The following IFFO2 variants were observed in gnomAD, a reference collection of about 807,000 sequenced individuals.
IFFO2 encodes intermediate filament family orphan 2.
Under a neutral mutation model 53.5 loss-of-function variants are expected in IFFO2, and 19 were observed. The observed-to-expected ratio is 0.36, with a 90% CI of 0.25 to 0.52. The LOEUF (loss-of-function observed/expected upper bound fraction) is 0.52, where lower values mean the gene tolerates loss of function less well. Among genes scored for constraint, IFFO2 ranks in the 20% least tolerant of loss-of-function variants. IFFO2 has a pLI of 0.94. For synonymous variants in IFFO2, 303 were observed against 313.6 expected (o/e 0.97, Z 0.36); for missense variants, 570 against 727.4 (o/e 0.78, Z 2.49).
At position 18,914,930 on chromosome 1, in the gene IFFO2, T is replaced by G. The variant is rs1013716137; in HGVS notation, c.1103+1973A>C. Among the ~76,000 whole-genome samples the G allele has an allele frequency of 2.6e-4, 39 of 151,898 alleles. 1 individual carries two copies. Among genetic ancestry groups the G allele is most frequent in the African/African-American group, 9.2e-4 (38 of 41,334 alleles). On this transcript the variant is annotated intron_variant, in intron 5 of 8. Coordinates refer to ENST00000455833, the MANE Select transcript of IFFO2 (RefSeq NM_001136265.2). ...AATCTAGGGGTCTCCTTATCACCCT[T>G]AAATAGCAAACCCCCAAAATACAGC...
At chr1:18,941,838 G>A (rs1432283955) in intron 1 of IFFO2, among the ~76,000 whole-genome samples, 1 of 152,202 alleles carries the variant, frequency 6.6e-6, no homozygotes, top group Non-Finnish European at 1.5e-5. Flanking sequence ...TCCCCAGGGA[G>A]GCGGGGACAG....
chr1:18,951,421 G>C (rs1936658284), intron 1 of IFFO2, among the ~76,000 whole-genome samples: 1 of 152,154 alleles, frequency 6.6e-6, no homozygotes, highest in Non-Finnish European at 1.5e-5. Flanking sequence ...GACTTCAACT[G>C]GGGGGCGCAT....
chr1:18,945,457 T>G (rs1936574389), intron 1 of IFFO2, among the ~76,000 whole-genome samples: 1 of 152,010 alleles, frequency 6.6e-6, no homozygotes, highest in Non-Finnish European at 1.5e-5. Flanking sequence ...CAGTAGCTCT[T>G]CCCCTCCCCC....
In IFFO2 at chr1:18,949,114, C is replaced by T. The variant is rs972394202; in HGVS notation, c.665+6554G>A. On this transcript the variant is annotated intron_variant, in intron 1 of 8. Coordinates refer to ENST00000455833, the MANE Select transcript of IFFO2 (RefSeq NM_001136265.2). Reference sequence around the variant, plus strand: ...GATTCCAAGTGCAGGCCCTCCCCTCCACAAACAGCCGAATCCCTGGACGTG... The same window carrying T: ...GATTCCAAGTGCAGGCCCTCCCCTCTACAAACAGCCGAATCCCTGGACGTG... Among the ~76,000 whole-genome samples the T allele has an allele frequency of 2.6e-5, 4 of 152,360 alleles. No individual in the cohort carries two copies. In the East Asian group the frequency reaches 7.7e-4, roughly 29 times the overall value.
At chr1:18,923,749 G>A (rs2148170935) in intron 1 of IFFO2, among the ~76,000 whole-genome samples, 1 of 152,228 alleles carries the variant, frequency 6.6e-6, no homozygotes, top group African/African-American at 2.4e-5. Context: ...CAATCACCTG[G>A]GCATCTTATT....
In IFFO2 at chr1:18,918,798, C is replaced by T. The variant is rs1197316400; in HGVS notation, c.823-296G>A. ...AGGGTCCGTGTTCACTTTGTTAGAGCGAAGAAAAAAGACAACTCCCGCTGG... is the reference window on the plus strand; with the variant it reads ...AGGGTCCGTGTTCACTTTGTTAGAGTGAAGAAAAAAGACAACTCCCGCTGG... On this transcript the variant is annotated intron_variant, in intron 3 of 8. Transcript: ENST00000455833. This position sits in a 1 kb window ranked among gnomAD's most constrained non-coding sequence, Gnocchi z 5.2. 1.3e-5 allele frequency among the ~76,000 whole-genome samples: 2 copies of T among 152,006 alleles called. No individual in the cohort carries two copies. Among genetic ancestry groups the T allele is most frequent in the African/African-American group, 2.4e-5 (1 of 41,374 alleles).
chr1:18,942,552 G>A (rs1936534027), intron 1 of IFFO2, among the ~76,000 whole-genome samples: 1 of 152,174 alleles, frequency 6.6e-6, no homozygotes, highest in Admixed American at 6.5e-5. Context: ...GAGGCTCAGA[G>A]CAGTAACACA....
At chr1:18,932,978 A>G (rs1215081097) in intron 1 of IFFO2, among the ~76,000 whole-genome samples, 1 of 152,222 alleles carries the variant, frequency 6.6e-6, no homozygotes, top group Non-Finnish European at 1.5e-5. Context: ...AGCCCAGAAT[A>G]TCTCCCACAG....
Position 18,911,408 on chromosome 1 carries a change from G to A in IFFO2, c.1293C>T (p.Tyr431=). The A allele has an allele frequency of 6.6e-7, 1 of 1,521,122 alleles. No homozygotes were observed. The highest frequency in any genetic ancestry group is 2.6e-5 in the East Asian group (1 of 38,506). 94.2% of individuals were successfully genotyped at this position (1,521,122 alleles called of 1,614,324 possible). A position where few individuals can be genotyped will look rare whatever the true frequency, so the allele number is the denominator to read the frequency against. Residue 431 remains tyrosine, a synonymous_variant, in exon 7 of 9, where the codon TAC becomes TAT. Transcript: ENST00000455833. Reference sequence around the variant, plus strand: ...CCTCGATCTGACCTATCGTTTCCTGGTACTCCTTGTCTCTCGTCTTGAAGA... The same window carrying A: ...CCTCGATCTGACCTATCGTTTCCTGATACTCCTTGTCTCTCGTCTTGAAGA... ...ESFFKTRDKE[Y]QETIGQIELE...
intron 1 of IFFO2, among the ~76,000 whole-genome samples, chr1:18,948,156 G>A (rs537301344): frequency 5.9e-5 from 9 of 152,336 alleles, no homozygotes; most frequent in Non-Finnish European, 1.2e-4. Flanking sequence ...ATAAACGGAA[G>A]CATTAAGCCA....
intron 1 of IFFO2, among the ~76,000 whole-genome samples, chr1:18,949,109 C>A (rs962726484): frequency 2.6e-5 from 4 of 152,228 alleles, no homozygotes; most frequent in Non-Finnish European, 5.9e-5. Flanking sequence ...GCAGGCCCTC[C>A]CCTCCACAAA....
At chr1:18,920,281 A>G (rs1444496142) in intron 2 of IFFO2, among the ~76,000 whole-genome samples, 3 of 152,216 alleles carry the variant, frequency 2.0e-5, no homozygotes, top group African/African-American at 7.2e-5. Flanking sequence ...TGAACCCGTT[A>G]AATTTATAAA....
chr1:18,919,789 TG>T lies in IFFO2; in HGVS notation c.727-17del. On this transcript the variant is annotated splice_polypyrimidine_tract_variant and intron_variant, in intron 2 of 8. Coordinates refer to ENST00000455833, the MANE Select transcript of IFFO2 (RefSeq NM_001136265.2). This position sits in a 1 kb window ranked among gnomAD's most constrained non-coding sequence, Gnocchi z 4.9. ...CCTGTGCTGCCTGCGGGGACGGAGA[TG>T]GGGAGGCTTCAGAGGGGCCGGGTCC... is the stretch of plus-strand genomic sequence containing the variant. 1 of 1,537,394 alleles carries T rather than the reference TG, an allele frequency of 6.5e-7. No individual in the cohort carries two copies. The highest frequency in any genetic ancestry group is 8.8e-7 in the Non-Finnish European group (1 of 1,134,498).
rs1935931399 is a variant in IFFO2, at chr1:18,905,307, G to A, written c.*3254C>T. 1 of 152,168 alleles carries A rather than the reference G, an allele frequency of 6.6e-6. No individual in the cohort carries two copies. Among genetic ancestry groups the A allele is most frequent in the Non-Finnish European group, 1.5e-5 (1 of 68,064 alleles). 9.4% of individuals were successfully genotyped at this position (152,168 alleles called of 1,614,324 possible). A position where few individuals can be genotyped will look rare whatever the true frequency, so the allele number is the denominator to read the frequency against. ...AAAGTGAGGACAGAAGACGAGGCCGGGGGACAGGAATGGGTTCCATTCAAT... is the reference window on the plus strand; with the variant it reads ...AAAGTGAGGACAGAAGACGAGGCCGAGGGACAGGAATGGGTTCCATTCAAT... On this transcript the variant is annotated 3_prime_UTR_variant, in exon 9 of 9. Transcript: ENST00000455833.
At chr1:18,939,706 T>C (rs749496059) in intron 1 of IFFO2, among the ~76,000 whole-genome samples, 5 of 152,172 alleles carry the variant, frequency 3.3e-5, no homozygotes, top group Non-Finnish European at 5.9e-5. Context: ...AGCAAGGTAA[T>C]GGTGCTGCCT....
rs1557640047 is a variant in IFFO2, at chr1:18,917,073, T to TG, written c.964-32dup. On this transcript the variant is annotated intron_variant, in intron 4 of 8. Transcript: ENST00000455833. The surrounding 1 kb of genome is among the most constrained non-coding windows in gnomAD (Gnocchi z 5.9). ...CCGGAAAGGAAGCAATCAAGGTAAC[T>TG]GGGGGGCTCGGCTAGGATGGAAGGT... 3 of 1,550,404 alleles carry TG rather than the reference T, an allele frequency of 1.9e-6. No homozygotes were observed. Among genetic ancestry groups the TG allele is most frequent in the South Asian group, 1.2e-5 (1 of 84,004 alleles).
chr1:18,955,553 C>T, intron 1 of IFFO2, 115 bp downstream of exon 1: 3 of 1,384,882 alleles, frequency 2.2e-6, no homozygotes, highest in Non-Finnish European at 2.8e-6. Context: ...ACACAGCTTC[C>T]AGCCCACCTG....
intron 1 of IFFO2, among the ~76,000 whole-genome samples, chr1:18,951,246 C>T (rs1173618794): frequency 6.6e-6 from 1 of 152,176 alleles, no homozygotes; most frequent in East Asian, 1.9e-4. Flanking sequence ...CTCAGCCTCC[C>T]ACTGTCCCCC....
intron 1 of IFFO2, among the ~76,000 whole-genome samples, chr1:18,925,506 C>T (rs758097580): frequency 5.3e-5 from 8 of 152,176 alleles, no homozygotes; most frequent in Non-Finnish European, 1.0e-4. Context: ...CCTTCCCCAC[C>T]GCCACCGGGG....
Sources: allele counts gnomAD v4.1 joint callset (sites outside exome capture counted in the v4.1 genomes callset), GRCh38; gene constraint gnomAD v4.1.1; non-coding constraint Gnocchi (gnomAD v3.1); transcripts MANE v1.5; gene names NCBI Gene and HGNC (gene_info 2026-07-23, HGNC 2026-07-21).